The following KLF12 variants were observed in gnomAD, a reference collection of about 807,000 sequenced individuals.
KLF12 encodes the protein Krueppel-like factor 12.
KLF12 carries 9 observed loss-of-function variants against 37.8 expected under a neutral mutation model. The ratio of observed to expected loss-of-function variants is 0.24; its 90% confidence interval spans 0.14 to 0.42. The LOEUF is 0.42. Among genes scored for constraint, KLF12 ranks in the 10% least tolerant of loss-of-function variants. The probability of loss-of-function intolerance (pLI) is 1.00; values close to 1 mark genes in which losing one functional copy is unlikely to be tolerated. For synonymous variants in KLF12, 208 were observed against 202.1 expected, an observed-to-expected ratio of 1.03 and a Z score of -0.25; for missense variants, 411 against 516.0, an observed-to-expected ratio of 0.80 and a Z score of 1.97.
At chr13:74,189,417 C>A in the KLF12 span, among the ~76,000 whole-genome samples, 1 of 152,212 alleles carries the variant, frequency 6.6e-6, no homozygotes, top group African/African-American at 2.4e-5. Context: ...AGGGATGCTT[C>A]CCTTTCCGTA....
Position 73,786,061 on chromosome 13 carries a change from T to C in KLF12, c.807-21061A>G, listed in dbSNP as rs149756696. ...GACAGAGGTGAGCAGTGTTAGGGAG[T>C]TGCCCTGTGCAAAGAGGCTGGGTCT... On this transcript the variant is annotated intron_variant, in intron 5 of 7. Transcript: ENST00000377669. Among the ~76,000 whole-genome samples the C allele has an allele frequency of 3.2e-3, 488 of 151,526 alleles. 3 individuals carry two copies. The highest frequency in any genetic ancestry group is 0.019 in the South Asian group (90 of 4,686).
chr13:74,024,384 C>T (rs1387690428), intron 1 of KLF12, among the ~76,000 whole-genome samples: 1 of 152,198 alleles, frequency 6.6e-6, no homozygotes. Flanking sequence ...TGATTGTACT[C>T]ACTATATAGT....
At chr13:73,861,879 T>A (rs1433290617) in intron 3 of KLF12, among the ~76,000 whole-genome samples, 1 of 152,132 alleles carries the variant, frequency 6.6e-6, no homozygotes, top group Admixed American at 6.6e-5. Context: ...CACTTAAAAG[T>A]CATGCAAGGA....
At chr13:74,157,362 T>C in the KLF12 span, among the ~76,000 whole-genome samples, 2 of 152,336 alleles carry the variant, frequency 1.3e-5, no homozygotes, top group African/African-American at 4.8e-5. Context: ...AAAGGTCCCA[T>C]AGCAGGGCTA....
At chr13:73,801,921 G>C (rs1882298780) in intron 5 of KLF12, 1 of 151,966 alleles carries the variant, frequency 6.6e-6, no homozygotes, top group Admixed American at 6.6e-5. Flanking sequence ...GTTTTCAAAA[G>C]TTTGTTCTAC....
chr13:74,271,814 T>A, the KLF12 span, among the ~76,000 whole-genome samples: 2 of 152,150 alleles, frequency 1.3e-5, no homozygotes, highest in Non-Finnish European at 2.9e-5. Flanking sequence ...TCCCTTCAAA[T>A]GTTTGTCGTC....
intron 2 of KLF12, among the ~76,000 whole-genome samples, chr13:73,990,214 T>C (rs567713736): frequency 6.6e-6 from 1 of 152,188 alleles, no homozygotes; most frequent in Non-Finnish European, 1.5e-5. Flanking sequence ...AAGAACAAAA[T>C]AGTGTACTTT....
the KLF12 span, among the ~76,000 whole-genome samples, chr13:74,215,172 A>G: frequency 2.0e-5 from 3 of 152,070 alleles, no homozygotes; most frequent in Non-Finnish European, 2.9e-5. Flanking sequence ...CGCATATTTT[A>G]TCATTCGAAC....
At chr13:74,279,864 A>T in the KLF12 span, among the ~76,000 whole-genome samples, 1 of 152,190 alleles carries the variant, frequency 6.6e-6, no homozygotes, top group African/African-American at 2.4e-5. Context: ...ACTTATTCTC[A>T]TGGTTAAAGG....
upstream of KLF12, among the ~76,000 whole-genome samples, chr13:74,137,744 T>C (rs1458291238): frequency 1.3e-5 from 2 of 152,078 alleles, no homozygotes; most frequent in Non-Finnish European, 1.5e-5. Context: ...AATCTTTTTT[T>C]ATTTTTTATT....
At chr13:73,751,214 T>C (rs1878734997) in intron 6 of KLF12, among the ~76,000 whole-genome samples, 1 of 152,160 alleles carries the variant, frequency 6.6e-6, no homozygotes, top group African/African-American at 2.4e-5. Context: ...TGAGTGCAGG[T>C]ATCTTTTTGA....
chr13:73,887,513 T>G (rs1457293297), intron 3 of KLF12, among the ~76,000 whole-genome samples: 4 of 152,150 alleles, frequency 2.6e-5, no homozygotes, highest in Non-Finnish European at 5.9e-5. Context: ...CTACTTCCCT[T>G]TGCCTTCCAC....
chr13:73,800,494 T>C (rs1161717820), intron 5 of KLF12: 2 of 152,074 alleles, frequency 1.3e-5, no homozygotes, highest in East Asian at 1.9e-4. Flanking sequence ...TTCTAAAATA[T>C]TAATACAGTA....
At chr13:74,076,492 A>G (rs1171116051) in intron 1 of KLF12, among the ~76,000 whole-genome samples, 1 of 152,174 alleles carries the variant, frequency 6.6e-6, no homozygotes, top group East Asian at 1.9e-4. Context: ...ACACAGTGGA[A>G]GGTGGAAGGG....
chr13:73,980,079 G>GT (rs1566491912), intron 2 of KLF12, among the ~76,000 whole-genome samples: 1 of 152,150 alleles, frequency 6.6e-6, no homozygotes, highest in Non-Finnish European at 1.5e-5. Flanking sequence ...AATTTCGGTT[G>GT]TTTAAGTCAT....
intron 5 of KLF12, among the ~76,000 whole-genome samples, chr13:73,797,451 C>A (rs554407934): frequency 6.6e-6 from 1 of 152,270 alleles, no homozygotes; most frequent in South Asian, 2.1e-4. Context: ...CCCTTCAAGA[C>A]AGAATGCAGT....
chr13:74,215,427 CT>C, the KLF12 span, among the ~76,000 whole-genome samples: 1,806 of 60,400 alleles, frequency 0.03, 43 homozygotes, highest in East Asian at 0.15. Context: ...CCTCTGGGTT[CT>C]TTTTTTTTTT....
At chr13:73,878,219 A>G (rs1005959975) in intron 3 of KLF12, among the ~76,000 whole-genome samples, 2 of 152,140 alleles carry the variant, frequency 1.3e-5, no homozygotes, top group African/African-American at 4.8e-5. Context: ...ATTTAATTAA[A>G]TTATCTATTC....
chr13:74,266,158 C>T, the KLF12 span, among the ~76,000 whole-genome samples: 4 of 152,160 alleles, frequency 2.6e-5, no homozygotes, highest in South Asian at 4.1e-4. Context: ...TTTGATCCAG[C>T]GGATCCAATG....
Sources: allele counts gnomAD v4.1 joint callset (sites outside exome capture counted in the v4.1 genomes callset), GRCh38; gene constraint gnomAD v4.1.1; transcripts MANE v1.5; gene names NCBI Gene and HGNC (gene_info 2026-07-23, HGNC 2026-07-21).